Variants in SAMD5 observed in about 807,000 individuals in gnomAD.
SAMD5 encodes sterile alpha motif domain containing 5.
Under a neutral mutation model 11.3 loss-of-function variants are expected in SAMD5, and 13 were observed. The observed-to-expected ratio is 1.15, with a 90% CI of 0.75 to 1.83. The LOEUF is 1.83. Among genes scored for constraint, SAMD5 ranks in the 40% most tolerant of loss-of-function variants. The pLI is 0.00. For missense variants in SAMD5, 255 were observed against 239.1 expected, an observed-to-expected ratio of 1.07 and a Z score of -0.44; for synonymous variants, 129 against 111.3, an observed-to-expected ratio of 1.16 and a Z score of -1.00.
chr6:147,820,298 A>C, the SAMD5 span, among the ~76,000 whole-genome samples: 1 of 152,196 alleles, frequency 6.6e-6, no homozygotes, highest in African/African-American at 2.4e-5. Flanking sequence ...TGATATCCAA[A>C]CGTTAAAAAG....
chr6:147,774,400 C>T, the SAMD5 span, among the ~76,000 whole-genome samples: 2 of 152,092 alleles, frequency 1.3e-5, no homozygotes, highest in Admixed American at 6.5e-5. Context: ...TGGTTCCAAG[C>T]GTCCCCTTGG....
the SAMD5 span, among the ~76,000 whole-genome samples, chr6:147,771,145 A>G: frequency 1.3e-5 from 2 of 152,232 alleles, no homozygotes; most frequent in African/African-American, 4.8e-5. Context: ...ACCTACAACA[A>G]GATGAAAAAT....
the SAMD5 span, among the ~76,000 whole-genome samples, chr6:147,785,738 G>A: frequency 3.3e-5 from 5 of 152,110 alleles, no homozygotes; most frequent in African/African-American, 9.7e-5. Context: ...TAAATGCTAA[G>A]GTTTAAAAGA....
chr6:147,806,312 G>GCA, the SAMD5 span, among the ~76,000 whole-genome samples: 1 of 125,574 alleles, frequency 8.0e-6, no homozygotes, highest in Admixed American at 7.6e-5. Flanking sequence ...ATGCGCGCGC[G>GCA]CGCGCGCACA....
the SAMD5 span, among the ~76,000 whole-genome samples, chr6:147,904,011 A>G: frequency 6.6e-6 from 1 of 152,098 alleles, no homozygotes; most frequent in Non-Finnish European, 1.5e-5. Context: ...TTCTTTGTCT[A>G]TGAAGCAGAC....
chr6:147,623,957 C>T (rs2128450531), intron 1 of SAMD5, among the ~76,000 whole-genome samples: 1 of 152,224 alleles, frequency 6.6e-6, no homozygotes, highest in African/African-American at 2.4e-5. Context: ...GCAACCTCTG[C>T]CTCCCAGGTT....
chr6:147,674,523 C>T (rs1009343937), intron 1 of SAMD5, among the ~76,000 whole-genome samples: 2 of 152,154 alleles, frequency 1.3e-5, no homozygotes, highest in African/African-American at 4.8e-5. Context: ...CAATGCACTC[C>T]AACCAGGGTT....
chr6:147,726,517 G>GGGGCCC (rs942795472), intron 1 of SAMD5, among the ~76,000 whole-genome samples: 1 of 149,398 alleles, frequency 6.7e-6, no homozygotes, highest in Non-Finnish European at 1.5e-5. Flanking sequence ...AGGCCTGCCT[G>GGGGCCC]GGGCCCAGGC....
chr6:147,796,206 C>T, the SAMD5 span, among the ~76,000 whole-genome samples: 11 of 151,290 alleles, frequency 7.3e-5, no homozygotes, highest in Admixed American at 1.3e-4. Context: ...TTAGGTCTAA[C>T]GTTTAAGTCT....
chr6:147,701,364 A>G (rs999283289), intron 1 of SAMD5, among the ~76,000 whole-genome samples: 5 of 152,166 alleles, frequency 3.3e-5, no homozygotes, highest in African/African-American at 1.2e-4. Context: ...ACTGGGCATG[A>G]TGGTCATGCC....
intron 1 of SAMD5, among the ~76,000 whole-genome samples, chr6:147,649,074 TCCATATG>T (rs1370364381): frequency 1.3e-5 from 2 of 152,224 alleles, no homozygotes; most frequent in Non-Finnish European, 2.9e-5. Flanking sequence ...TGTAATGTTT[TCCATATG>T]CCGTTACTGT....
intron 1 of SAMD5, among the ~76,000 whole-genome samples, chr6:147,687,634 A>G (rs983760468): frequency 6.6e-6 from 1 of 152,116 alleles, no homozygotes; most frequent in Admixed American, 6.6e-5. Flanking sequence ...GGTCAAGTCT[A>G]TTAGTTTTTA....
the SAMD5 span, among the ~76,000 whole-genome samples, chr6:147,774,407 T>C: frequency 2.6e-5 from 4 of 152,186 alleles, no homozygotes; most frequent in Non-Finnish European, 4.4e-5. Flanking sequence ...AAGCGTCCCC[T>C]TGGGTACCAA....
At chr6:147,851,361 A>G in the SAMD5 span, among the ~76,000 whole-genome samples, 1 of 152,230 alleles carries the variant, frequency 6.6e-6, no homozygotes, top group Non-Finnish European at 1.5e-5. Flanking sequence ...GGGGGTTGGT[A>G]CTGTCCTCAG....
intron 1 of SAMD5, among the ~76,000 whole-genome samples, chr6:147,601,477 G>T (rs1249233908): frequency 6.7e-6 from 1 of 149,740 alleles, no homozygotes; most frequent in Non-Finnish European, 1.5e-5. Context: ...ACTGTAACTT[G>T]TGATTTAAAA....
the SAMD5 span, among the ~76,000 whole-genome samples, chr6:147,784,231 T>C: frequency 6.6e-6 from 1 of 152,170 alleles, no homozygotes; most frequent in Non-Finnish European, 1.5e-5. Context: ...ATGTTTAATT[T>C]CTTTTCTAGC....
the SAMD5 span, among the ~76,000 whole-genome samples, chr6:147,933,855 G>A: frequency 1.3e-5 from 2 of 152,136 alleles, no homozygotes; most frequent in Admixed American, 6.6e-5. Context: ...GTGTCAAAAG[G>A]TACCAGATTA....
At chr6:147,816,926 T>G in the SAMD5 span, among the ~76,000 whole-genome samples, 1 of 144,480 alleles carries the variant, frequency 6.9e-6, no homozygotes, top group Admixed American at 6.8e-5. Flanking sequence ...GTAGTCTAGT[T>G]CAGGTAAGAG....
At chr6:147,796,133 T>A in the SAMD5 span, among the ~76,000 whole-genome samples, 649 of 150,222 alleles carry the variant, frequency 4.3e-3, 2 homozygotes, top group Non-Finnish European at 5.7e-3. Flanking sequence ...AGACATGAAG[T>A]CCTTGCCCGT....
Sources: allele counts gnomAD v4.1 joint callset (sites outside exome capture counted in the v4.1 genomes callset), GRCh38; gene constraint gnomAD v4.1.1; transcripts MANE v1.5; gene names NCBI Gene and HGNC (gene_info 2026-07-23, HGNC 2026-07-21).